The following SOX5 variants were observed in gnomAD, a reference collection of about 807,000 sequenced individuals.
The protein encoded by SOX5 is SRY-box transcription factor 5, also known as transcription factor SOX-5.
SOX5 carries 9 observed loss-of-function variants against 92.0 expected under a neutral mutation model. The ratio of observed to expected loss-of-function variants is 0.10; its 90% confidence interval spans 0.06 to 0.17. SOX5 has a LOEUF of 0.17. Ranked by LOEUF, SOX5 falls within the 10% of genes least tolerant of loss-of-function variation. SOX5 has a pLI of 1.00. For synonymous variants in SOX5, 344 were observed against 336.3 expected, an observed-to-expected ratio of 1.02 and a Z score of -0.25; for missense variants, 642 against 944.5, an observed-to-expected ratio of 0.68 and a Z score of 4.20.
At position 23,531,739 on chromosome 12, in the gene SOX5, A is replaced by C. The variant is rs1939131301; in HGVS notation, c.*2480T>G. The C allele has an allele frequency of 6.6e-6, 1 of 152,152 alleles. No homozygotes were observed. Among genetic ancestry groups the C allele is most frequent in the South Asian group, 2.1e-4 (1 of 4,824 alleles). 9.4% of individuals were successfully genotyped at this position (152,152 alleles called of 1,614,324 possible). ...CTCTAGATGACTGTGGCAATTAAATAACTAAAATGAGTGATGAGAGCATAA... is the reference window on the plus strand; with the variant it reads ...CTCTAGATGACTGTGGCAATTAAATCACTAAAATGAGTGATGAGAGCATAA... On this transcript the variant is annotated 3_prime_UTR_variant, in exon 15 of 15. Transcript: ENST00000451604.
At position 24,163,309 on chromosome 12, in the gene SOX5, T is replaced by C. The variant is rs1174138483; in HGVS notation, c.-2+50034A>G. Among the ~76,000 whole-genome samples, 5 of 152,144 alleles carry C rather than the reference T, an allele frequency of 3.3e-5. No homozygotes were observed. The East Asian group carries it at 9.6e-4, about 29-fold the overall frequency. ...ATTATGAAGGTCTGTTATTTTGAAG[T>C]GCTCCTTTGCAGACGTGTCTACATT... On this transcript the variant is annotated intron_variant, in intron 4 of 4. Transcript: ENST00000446891.
chr12:23,968,932 G>A (rs1361079413), intron 4 of SOX5, among the ~76,000 whole-genome samples: 3 of 152,106 alleles, frequency 2.0e-5, no homozygotes, highest in Non-Finnish European at 4.4e-5. Flanking sequence ...TATTTGCCAA[G>A]ACTATTTCTA....
intron 8 of SOX5, among the ~76,000 whole-genome samples, chr12:23,616,524 C>G (rs750523488): frequency 6.6e-6 from 1 of 152,018 alleles, no homozygotes; most frequent in African/African-American, 2.4e-5. Flanking sequence ...ATAGAGTCAC[C>G]GGGAGGAGCA....
intron 11 of SOX5, among the ~76,000 whole-genome samples, chr12:23,556,784 A>C (rs1045107018): frequency 6.6e-6 from 1 of 152,284 alleles, no homozygotes; most frequent in Admixed American, 6.5e-5. Context: ...TTAAAGCAAA[A>C]CCTGTAATTC....
At chr12:24,179,763 A>G (rs1202408045) in intron 4 of SOX5, among the ~76,000 whole-genome samples, 1 of 152,048 alleles carries the variant, frequency 6.6e-6, no homozygotes, top group African/African-American at 2.4e-5. Flanking sequence ...CATAGGTTAG[A>G]TGTATTAAAT....
chr12:24,156,409 A>T (rs1040743277), intron 4 of SOX5, among the ~76,000 whole-genome samples: 5 of 152,116 alleles, frequency 3.3e-5, no homozygotes, highest in East Asian at 1.9e-4. Flanking sequence ...AGTGTCAAGG[A>T]CTGCTTCTGG....
intron 1 of SOX5, among the ~76,000 whole-genome samples, chr12:24,455,738 C>G (rs927340396): frequency 1.3e-5 from 2 of 152,182 alleles, no homozygotes; most frequent in Admixed American, 6.5e-5. Flanking sequence ...TAGACTCACT[C>G]AGTAGAGGCT....
At chr12:23,732,254 C>T (rs559364652) in intron 6 of SOX5, among the ~76,000 whole-genome samples, 7 of 151,986 alleles carry the variant, frequency 4.6e-5, no homozygotes, top group Non-Finnish European at 8.8e-5. Flanking sequence ...ATTTATGTGG[C>T]GGGAAAATTA....
At chr12:24,417,096 GTTA>G (rs1965147687) in intron 1 of SOX5, among the ~76,000 whole-genome samples, 1 of 152,148 alleles carries the variant, frequency 6.6e-6, no homozygotes, top group Admixed American at 6.6e-5. Context: ...TCTCATTGGG[GTTA>G]TTGAGGACCA....
chr12:23,546,729 A>C (rs1943209011), intron 11 of SOX5, among the ~76,000 whole-genome samples: 1 of 152,150 alleles, frequency 6.6e-6, no homozygotes, highest in Admixed American at 6.6e-5. Flanking sequence ...CAGAAATTTC[A>C]TGGAAGCAAC....
At chr12:23,773,445 C>T (rs1368979962) in intron 3 of SOX5, among the ~76,000 whole-genome samples, 3 of 152,158 alleles carry the variant, frequency 2.0e-5, no homozygotes, top group African/African-American at 7.2e-5. Flanking sequence ...AATCTCGGCT[C>T]GCTGCAACTT....
intron 7 of SOX5, among the ~76,000 whole-genome samples, chr12:23,643,066 G>T (rs1045043556): frequency 2.2e-5 from 2 of 91,304 alleles, no homozygotes; most frequent in African/African-American, 7.2e-5. Flanking sequence ...CAGCCTGGGC[G>T]ACAGAGCGAG....
At chr12:24,128,210 C>T (rs771346230) in intron 4 of SOX5, among the ~76,000 whole-genome samples, 4 of 152,068 alleles carry the variant, frequency 2.6e-5, no homozygotes, top group Non-Finnish European at 5.9e-5. Context: ...TTAAAAATAG[C>T]TTATCAAATG....
intron 2 of SOX5, among the ~76,000 whole-genome samples, chr12:23,849,501 A>G (rs1397983511): frequency 6.6e-6 from 1 of 152,186 alleles, no homozygotes; most frequent in Non-Finnish European, 1.5e-5. Context: ...CAAAAAGTAG[A>G]GTGAAAAATC....
chr12:23,724,923 G>A (rs372835885), intron 6 of SOX5, among the ~76,000 whole-genome samples: 1 of 152,154 alleles, frequency 6.6e-6, no homozygotes, highest in Non-Finnish European at 1.5e-5. Context: ...AAGGAAGTAG[G>A]GTGACCAACA....
At chr12:23,977,219 A>T (rs1293749153) in intron 4 of SOX5, among the ~76,000 whole-genome samples, 1 of 152,320 alleles carries the variant, frequency 6.6e-6, no homozygotes, top group Admixed American at 6.5e-5. Flanking sequence ...ACAATACAGG[A>T]GAAGTTTCAG....
intron 1 of SOX5, among the ~76,000 whole-genome samples, chr12:24,409,982 TA>T (rs1379812185): frequency 6.6e-6 from 1 of 151,332 alleles, no homozygotes; most frequent in Non-Finnish European, 1.5e-5. Flanking sequence ...GTCCTTTCAA[TA>T]GGATCTTTCA....
At chr12:24,494,829 C>A (rs1017880455) in intron 1 of SOX5, among the ~76,000 whole-genome samples, 2 of 151,684 alleles carry the variant, frequency 1.3e-5, no homozygotes, top group East Asian at 1.9e-4. Flanking sequence ...AAAAAAAATA[C>A]CCCCAAAAAA....
rs986670280 is a variant in SOX5, at chr12:24,554,815, C to T, written c.-251+7514G>A. Among the ~76,000 whole-genome samples, 9 of 152,152 alleles carry T rather than the reference C, an allele frequency of 5.9e-5. No homozygotes were observed. The East Asian group carries it at 7.7e-4, about 13-fold the overall frequency. ...TCATCCTCCACCACAACCGCCTCCC[C>T]GCCGACTCTGGCCCAAAAAAATAGC... On this transcript the variant is annotated intron_variant, in intron 1 of 4. Transcript: ENST00000446891.
Sources: allele counts gnomAD v4.1 joint callset (sites outside exome capture counted in the v4.1 genomes callset), GRCh38; gene constraint gnomAD v4.1.1; transcripts MANE v1.5; gene names NCBI Gene and HGNC (gene_info 2026-07-23, HGNC 2026-07-21).